CMIP: variants seen among roughly 807,000 people sequenced by gnomAD.
The protein encoded by CMIP is c-Maf inducing protein.
In CMIP, 13 loss-of-function variants were observed where a neutral mutation model predicts 97.3. The ratio of observed to expected loss-of-function variants is 0.13; its 90% CI spans 0.09 to 0.21. The LOEUF is 0.21. CMIP is among the 10% of genes least tolerant of loss of function. The pLI is 1.00. For missense variants in CMIP, 847 were observed against 1,024.9 expected (o/e 0.83, Z 2.37); for synonymous variants, 538 against 436.3 (o/e 1.23, Z -2.91).
chr16:81,491,146 C>T (rs2089399623), intron 1 of CMIP, among the ~76,000 whole-genome samples: 1 of 152,136 alleles, frequency 6.6e-6, no homozygotes, highest in Non-Finnish European at 1.5e-5. Flanking sequence ...ATTACCCTTG[C>T]AGGCATTATC....
At chr16:81,485,314 A>C (rs79077764) in intron 1 of CMIP, among the ~76,000 whole-genome samples, 8,995 of 152,320 alleles carry the variant, frequency 0.059, 323 homozygotes, top group South Asian at 0.11. Context: ...AAATGGGTGG[A>C]GAAAGATTCC....
chr16:81,670,109 C>T (rs777344069), intron 7 of CMIP, 33 bp from the exon 8 acceptor site: 39 of 1,580,780 alleles, frequency 2.5e-5, no homozygotes, highest in Non-Finnish European at 3.1e-5. Context: ...TGCCTAGCAC[C>T]GTCCCGACTC....
At chr16:81,632,899 C>G (rs534193675) in intron 3 of CMIP, among the ~76,000 whole-genome samples, 5 of 152,178 alleles carry the variant, frequency 3.3e-5, no homozygotes, top group Non-Finnish European at 7.4e-5. Flanking sequence ...GGGTAAAGGT[C>G]TTTCCTGAGC....
Position 81,705,241 on chromosome 16 carries a change from C to T in CMIP, c.2092-258C>T, listed in dbSNP as rs1907997576. 2.0e-5 allele frequency among the ~76,000 whole-genome samples: 3 copies of T among 152,344 alleles called. 1 individual carries two copies. The South Asian group carries it at 6.2e-4, about 32-fold the overall frequency. On this transcript the variant is annotated intron_variant, in intron 18 of 20. Transcript: ENST00000537098. The stretch of plus-strand genomic sequence containing the variant: ...AGGGAGAGACAAGTTCAAAGCCCTC[C>T]TTCATGGAGGCAAAACTGACTCCAA...
At chr16:81,619,166 G>A (rs531310341) in intron 2 of CMIP, 1 of 152,208 alleles carries the variant, frequency 6.6e-6, no homozygotes, top group Non-Finnish European at 1.5e-5. Context: ...TCACACGGAG[G>A]GCTTGCCTCC....
At chr16:81,604,094 C>A (rs2091701322) in intron 1 of CMIP, among the ~76,000 whole-genome samples, 1 of 152,126 alleles carries the variant, frequency 6.6e-6, no homozygotes, top group South Asian at 2.1e-4. Context: ...AGCTTGTCTG[C>A]TTTTTAAAAA....
chr16:81,703,509 A>AC, intron 17 of CMIP, among the ~76,000 whole-genome samples: 1 of 152,090 alleles, frequency 6.6e-6, no homozygotes, highest in South Asian at 2.1e-4. Context: ...ACACACACAC[A>AC]AATATACACA....
chr16:81,566,895 A>AT (rs1447739880), intron 1 of CMIP, among the ~76,000 whole-genome samples: 13 of 152,266 alleles, frequency 8.5e-5, no homozygotes, highest in South Asian at 2.1e-4. Flanking sequence ...TACATAGTGT[A>AT]TTATTCCAGT....
intron 7 of CMIP, among the ~76,000 whole-genome samples, chr16:81,667,766 AAG>A (rs59388984): frequency 0.046 from 3,922 of 84,902 alleles, 80 homozygotes; most frequent in African/African-American, 0.063. Flanking sequence ...GAGGGAGAGA[AAG>A]AGAGAGAGAG....
rs117859636 is a variant in CMIP, at chr16:81,669,735, T to A, written c.826-407T>A. Among the ~76,000 whole-genome samples, 1,308 of 141,878 alleles carry A rather than the reference T, an allele frequency of 9.2e-3. 14 individuals are homozygous for A. Among genetic ancestry groups the A allele is most frequent in the Non-Finnish European group, 0.012 (768 of 65,184 alleles). The allele number at this position is 141,878 out of a possible 152,430, so 93.1% of individuals were successfully genotyped here. ...CCATACCCACCTCACACTCACCTCC[T>A]TCCACACCCACCTCTCTTCTCCTTC... On this transcript the variant is annotated intron_variant, in intron 7 of 20. Coordinates refer to ENST00000537098, the MANE Select transcript of CMIP (RefSeq NM_198390.3).
chr16:81,634,787 C>A (rs1184540579), intron 3 of CMIP, among the ~76,000 whole-genome samples: 1 of 152,100 alleles, frequency 6.6e-6, no homozygotes, highest in Admixed American at 6.5e-5. Flanking sequence ...TGACTCCCAC[C>A]CAGAGGATGC....
chr16:81,556,318 T>C (rs767570569), intron 1 of CMIP, among the ~76,000 whole-genome samples: 12 of 152,168 alleles, frequency 7.9e-5, no homozygotes, highest in Non-Finnish European at 1.8e-4. Context: ...TTTGGCTACT[T>C]AGAGTAATGC....
At chr16:81,499,358 T>C (rs966229974) in intron 1 of CMIP, among the ~76,000 whole-genome samples, 3 of 152,220 alleles carry the variant, frequency 2.0e-5, no homozygotes, top group Non-Finnish European at 2.9e-5. Flanking sequence ...CACACCCATG[T>C]ACACATGTGC....
chr16:81,622,618 G>A (rs1256256499), intron 3 of CMIP, among the ~76,000 whole-genome samples: 2 of 152,130 alleles, frequency 1.3e-5, no homozygotes, highest in African/African-American at 4.8e-5. Context: ...GAATGTACTT[G>A]GAGACACACT....
At chr16:81,452,438 G>A (rs1322430893) in intron 1 of CMIP, among the ~76,000 whole-genome samples, 2 of 152,234 alleles carry the variant, frequency 1.3e-5, no homozygotes, top group African/African-American at 4.8e-5. Flanking sequence ...GAAAACAGGA[G>A]CCTGCCCTCG....
intron 1 of CMIP, among the ~76,000 whole-genome samples, chr16:81,491,328 ACT>A (rs960761547): frequency 1.3e-5 from 2 of 151,842 alleles, no homozygotes; most frequent in Non-Finnish European, 2.9e-5. Flanking sequence ...GCTGTGTGAG[ACT>A]CTGGGCAAGT....
chr16:81,593,640 G>A (rs566346460), intron 1 of CMIP, among the ~76,000 whole-genome samples: 5 of 152,288 alleles, frequency 3.3e-5, no homozygotes, highest in East Asian at 1.9e-4. Context: ...AATCGCCTCC[G>A]TGTATTGAGT....
rs117821605 is a variant in CMIP, at chr16:81,535,396, G to C, written c.301-72171G>C. ...ATTCCAGTGTATTTAACCTTCTCGTGGGCTGTGTCTCATGATGCTTCCCTG... is the reference window on the plus strand; with the variant it reads ...ATTCCAGTGTATTTAACCTTCTCGTCGGCTGTGTCTCATGATGCTTCCCTG... On this transcript the variant is annotated intron_variant, in intron 1 of 20. Coordinates refer to ENST00000537098, the MANE Select transcript of CMIP (RefSeq NM_198390.3). Among the ~76,000 whole-genome samples the C allele has an allele frequency of 8.3e-3, 1,267 of 151,896 alleles. 8 individuals carry two copies. Among genetic ancestry groups the C allele is most frequent in the Middle Eastern group, 0.028 (8 of 288 alleles).
intron 4 of CMIP, among the ~76,000 whole-genome samples, chr16:81,656,592 G>A (rs1052994615): frequency 2.0e-5 from 3 of 152,178 alleles, no homozygotes; most frequent in Non-Finnish European, 4.4e-5. Context: ...CACAGATGGC[G>A]GCACAGGTCG....
Sources: gnomAD v4.1 joint callset for allele counts (sites outside exome capture counted in the v4.1 genomes callset) on GRCh38, gnomAD v4.1.1 for gene constraint, MANE v1.5 for transcripts, NCBI Gene and HGNC (gene_info 2026-07-23, HGNC 2026-07-21) for gene names.